Variants in PHF24 observed in about 807,000 individuals in gnomAD.
PHF24 encodes PHD finger protein 24, also known as Galpha inhibitory interacting protein.
A neutral mutation model predicts 42.6 loss-of-function variants in PHF24; 25 were observed. That is an observed-to-expected ratio of 0.59 (90% CI 0.43 to 0.82). PHF24 has a LOEUF of 0.82. Among genes scored for constraint, PHF24 ranks in the 40% least tolerant of loss-of-function variants. The probability of loss-of-function intolerance (pLI) is 0.00; values close to 1 mark genes in which losing one functional copy is unlikely to be tolerated. For synonymous variants in PHF24, 185 were observed against 204.8 expected (o/e 0.90, Z 0.83); for missense variants, 470 against 538.1 (o/e 0.87, Z 1.25).
At chr9:34,829,867 A>G in the PHF24 span, among the ~76,000 whole-genome samples, 2 of 152,322 alleles carry the variant, frequency 1.3e-5, no homozygotes, top group Non-Finnish European at 1.5e-5. Flanking sequence ...AAGTGAATGT[A>G]TAGTGATAAC....
intron 3 of PHF24, among the ~76,000 whole-genome samples, chr9:34,974,890 C>T (rs939483795): frequency 6.6e-6 from 1 of 152,194 alleles, no homozygotes; most frequent in Non-Finnish European, 1.5e-5. Flanking sequence ...AATTCCAGTT[C>T]AATCTCTCCC....
the PHF24 span, among the ~76,000 whole-genome samples, chr9:34,667,156 G>A: frequency 6.6e-6 from 1 of 152,222 alleles, no homozygotes; most frequent in Non-Finnish European, 1.5e-5. Context: ...TGACATCCCA[G>A]TCAAGGCCCA....
At chr9:34,888,394 T>A in the PHF24 span, among the ~76,000 whole-genome samples, 1 of 152,222 alleles carries the variant, frequency 6.6e-6, no homozygotes, top group Non-Finnish European at 1.5e-5. Context: ...AATTGTTGAA[T>A]GCAAGACTCA....
chr9:34,707,275 A>G, the PHF24 span, among the ~76,000 whole-genome samples: 11 of 152,196 alleles, frequency 7.2e-5, no homozygotes, highest in Non-Finnish European at 1.5e-4. Flanking sequence ...CTGGAACCAC[A>G]GGGGTCAGAA....
At chr9:34,784,895 TG>T in the PHF24 span, among the ~76,000 whole-genome samples, 1 of 152,254 alleles carries the variant, frequency 6.6e-6, no homozygotes, top group Non-Finnish European at 1.5e-5. Context: ...TGTGGTCTTC[TG>T]TAAAATTTAG....
intron 1 of PHF24, among the ~76,000 whole-genome samples, chr9:34,960,803 C>A (rs1826564558): frequency 6.6e-6 from 1 of 152,180 alleles, no homozygotes; most frequent in Non-Finnish European, 1.5e-5. Flanking sequence ...CAGCCTAACT[C>A]TCCCTAGTCA....
At chr9:34,856,726 C>T in the PHF24 span, among the ~76,000 whole-genome samples, 1 of 152,190 alleles carries the variant, frequency 6.6e-6, no homozygotes, top group Admixed American at 6.5e-5. Context: ...TCTGGAGACC[C>T]CTGTTGGGAG....
the PHF24 span, among the ~76,000 whole-genome samples, chr9:34,769,304 C>A: frequency 2.6e-5 from 4 of 151,888 alleles, no homozygotes; most frequent in Admixed American, 1.3e-4. Context: ...TTACAAAATG[C>A]AAAATAGGGT....
the PHF24 span, among the ~76,000 whole-genome samples, chr9:34,877,295 AAG>A: frequency 6.6e-6 from 1 of 151,914 alleles, no homozygotes; most frequent in Non-Finnish European, 1.5e-5. Flanking sequence ...AAAAAAAAAA[AAG>A]AAAAAGAAAT....
chr9:34,910,930 C>T, the PHF24 span, among the ~76,000 whole-genome samples: 29 of 151,912 alleles, frequency 1.9e-4, no homozygotes, highest in African/African-American at 6.5e-4. Context: ...TCAAGCAATC[C>T]TTCTGCCTCA....
At chr9:34,748,762 A>G in the PHF24 span, among the ~76,000 whole-genome samples, 3 of 152,204 alleles carry the variant, frequency 2.0e-5, no homozygotes, top group Non-Finnish European at 2.9e-5. Context: ...TGAGAAGACT[A>G]CAATAAATAC....
At chr9:34,749,604 C>CTTTT in the PHF24 span, among the ~76,000 whole-genome samples, 116 of 143,802 alleles carry the variant, frequency 8.1e-4, no homozygotes, top group Middle Eastern at 3.6e-3. Flanking sequence ...GTTATTCATT[C>CTTTT]TTTTTTTTTT....
chr9:34,763,909 G>C, the PHF24 span, among the ~76,000 whole-genome samples: 33 of 152,196 alleles, frequency 2.2e-4, no homozygotes, highest in East Asian at 1.9e-3. Flanking sequence ...TAGCACGAAG[G>C]GTTGTTGAAT....
chr9:34,846,312 C>T, the PHF24 span, among the ~76,000 whole-genome samples: 1 of 152,022 alleles, frequency 6.6e-6, no homozygotes, highest in Non-Finnish European at 1.5e-5. Context: ...GAGATGGTAT[C>T]TCATTGTGGT....
chr9:34,766,060 T>C, the PHF24 span, among the ~76,000 whole-genome samples: 1 of 152,222 alleles, frequency 6.6e-6, no homozygotes, highest in South Asian at 2.1e-4. Context: ...GAGTTTCTGC[T>C]GAGAGATCCG....
Position 34,958,398 on chromosome 9 carries a change from C to T in PHF24, c.-8C>T, listed in dbSNP as rs2132842740. Reference sequence around the variant, plus strand: ...GAGCCGCGTCCCGCACCCGGACGGTCCCGGTAAGCGGGGGCGGGGGCGGCG... The same window carrying T: ...GAGCCGCGTCCCGCACCCGGACGGTTCCGGTAAGCGGGGGCGGGGGCGGCG... On this transcript the variant is annotated 5_prime_UTR_variant, in exon 1 of 8. Transcript: ENST00000242315. This position sits in a 1 kb window ranked among gnomAD's most constrained non-coding sequence, Gnocchi z 4.5. 1 of 152,388 alleles carries T rather than the reference C, an allele frequency of 6.6e-6. No homozygotes were observed. Among genetic ancestry groups the T allele is most frequent in the African/African-American group, 2.4e-5 (1 of 41,526 alleles). The allele number at this position is 152,388 out of a possible 1,614,324, so 9.4% of individuals were successfully genotyped here. A position where few individuals can be genotyped will look rare whatever the true frequency, so the allele number is the denominator to read the frequency against.
chr9:34,976,179 G>A, exon 4 of PHF24: 1 of 1,614,100 alleles, frequency 6.2e-7, no homozygotes, highest in Non-Finnish European at 8.5e-7. Flanking sequence ...GCTTACTGAG[G>A]AGGAAATGTA....
chr9:34,720,245 C>A, the PHF24 span, among the ~76,000 whole-genome samples: 20 of 152,050 alleles, frequency 1.3e-4, no homozygotes, highest in Non-Finnish European at 2.2e-4. Flanking sequence ...GAGATCGAGA[C>A]CATCCTGGCT....
the PHF24 span, among the ~76,000 whole-genome samples, chr9:34,877,756 G>T: frequency 6.6e-6 from 1 of 151,962 alleles, no homozygotes; most frequent in Non-Finnish European, 1.5e-5. Flanking sequence ...TTTAAGTTCT[G>T]GGGTACATGT....
Sources: gnomAD v4.1 joint callset for allele counts (sites outside exome capture counted in the v4.1 genomes callset) on GRCh38, gnomAD v4.1.1 for gene constraint, Gnocchi (gnomAD v3.1) non-coding constraint, MANE v1.5 for transcripts, NCBI Gene and HGNC (gene_info 2026-07-23, HGNC 2026-07-21) for gene names.